CUL5: variants seen among roughly 807,000 people sequenced by gnomAD.
CUL5 encodes cullin-5.
A neutral mutation model predicts 108.8 loss-of-function variants in CUL5; 26 were observed. That is an observed-to-expected ratio of 0.24 (90% CI 0.18 to 0.33). The LOEUF (loss-of-function observed/expected upper bound fraction) is 0.33, where lower values mean the gene tolerates loss of function less well. Among genes scored for constraint, CUL5 ranks in the 10% least tolerant of loss-of-function variants. The pLI is 1.00. For missense variants in CUL5, 524 were observed against 909.2 expected (o/e 0.58, Z 5.45); for synonymous variants, 334 against 298.0 (o/e 1.12, Z -1.25).
At chr11:108,041,243 TTA>T (rs1862900152) in intron 2 of CUL5, among the ~76,000 whole-genome samples, 2 of 152,042 alleles carry the variant, frequency 1.3e-5, no homozygotes, top group African/African-American at 4.8e-5. Context: ...AGTAAATCTC[TTA>T]TATTAATAAT....
At chr11:108,084,175 G>T (rs1483986652) in intron 11 of CUL5, among the ~76,000 whole-genome samples, 1 of 152,200 alleles carries the variant, frequency 6.6e-6, no homozygotes, top group African/African-American at 2.4e-5. Flanking sequence ...GGAGTAGTTT[G>T]TGGTAGACCA....
chr11:108,021,604 C>T (rs886699883), intron 1 of CUL5, among the ~76,000 whole-genome samples: 3 of 152,148 alleles, frequency 2.0e-5, no homozygotes, highest in Admixed American at 6.5e-5. Context: ...CTTGCCTCAA[C>T]CTCTGGAGTA....
intron 7 of CUL5, among the ~76,000 whole-genome samples, chr11:108,056,663 A>G (rs921577266): frequency 6.6e-6 from 1 of 152,134 alleles, no homozygotes; most frequent in African/African-American, 2.4e-5. Flanking sequence ...GTTGTCCCTT[A>G]GGAAGATTAA....
At chr11:108,087,179 GACAT>G (rs2135220792) in intron 11 of CUL5, among the ~76,000 whole-genome samples, 1 of 152,192 alleles carries the variant, frequency 6.6e-6, no homozygotes, top group African/African-American at 2.4e-5. Context: ...TCAGGGCAAA[GACAT>G]ACATTTATAC....
Position 108,009,265 on chromosome 11 carries a change from G to C in CUL5, c.-84G>C. On this transcript the variant is annotated 5_prime_UTR_variant, in exon 1 of 19. Coordinates refer to ENST00000393094, the MANE Select transcript of CUL5 (RefSeq NM_003478.6). ...GCGGGCCGACGGGCCCTGGGCCCTG[G>C]TGGGAGCTCCGGCCTCCGGTCAAGG... The C allele has an allele frequency of 4.0e-6, 6 of 1,514,566 alleles. No individual in the cohort carries two copies. Among genetic ancestry groups the C allele is most frequent in the African/African-American group, 1.4e-5 (1 of 73,172 alleles). 93.8% of individuals were successfully genotyped at this position (1,514,566 alleles called of 1,614,324 possible). A position where few individuals can be genotyped will look rare whatever the true frequency, so the allele number is the denominator to read the frequency against.
chr11:108,106,195 T>A lies in CUL5; in HGVS notation c.*1811T>A, dbSNP rs1864796563. ...ATAATTTTGTAGTAATTGTGGCCCT[T>A]ATGTTTAACAGATAATTCAGCATTG... On this transcript the variant is annotated 3_prime_UTR_variant, in exon 19 of 19. Transcript: ENST00000393094. 1 of 152,718 alleles carries A rather than the reference T, an allele frequency of 6.5e-6. No homozygotes were observed. Among genetic ancestry groups the A allele is most frequent in the South Asian group, 2.1e-4 (1 of 4,834 alleles). 9.5% of individuals were successfully genotyped at this position (152,718 alleles called of 1,614,324 possible).
intron 3 of CUL5, among the ~76,000 whole-genome samples, chr11:108,047,686 ATC>A (rs1863100832): frequency 6.6e-6 from 1 of 152,234 alleles, no homozygotes; most frequent in Non-Finnish European, 1.5e-5. Flanking sequence ...TTTAATGAAA[ATC>A]TGTTTTCAAG....
At chr11:108,017,578 G>A (rs1244926521) in intron 1 of CUL5, among the ~76,000 whole-genome samples, 1 of 152,082 alleles carries the variant, frequency 6.6e-6, no homozygotes, top group Non-Finnish European at 1.5e-5. Flanking sequence ...GGCCGGATGC[G>A]GAGGCTCACG....
At chr11:108,093,482 A>G (rs1329284331) in intron 13 of CUL5, among the ~76,000 whole-genome samples, 1 of 151,824 alleles carries the variant, frequency 6.6e-6, no homozygotes. Flanking sequence ...TTCTTCTATA[A>G]CTCCATTTAT....
intron 1 of CUL5, among the ~76,000 whole-genome samples, chr11:108,013,000 C>G (rs1006628330): frequency 6.6e-6 from 1 of 152,116 alleles, no homozygotes; most frequent in South Asian, 2.1e-4. Flanking sequence ...AATTCTTTGC[C>G]CTTTAACTTA....
At chr11:108,014,910 T>G (rs1380568065) in intron 1 of CUL5, among the ~76,000 whole-genome samples, 5 of 152,170 alleles carry the variant, frequency 3.3e-5, no homozygotes, top group Non-Finnish European at 5.9e-5. Flanking sequence ...TTTTTATTTT[T>G]ATTTTTGAGA....
chr11:108,011,226 A>G (rs1170909711), intron 1 of CUL5, among the ~76,000 whole-genome samples: 1 of 152,210 alleles, frequency 6.6e-6, no homozygotes, highest in African/African-American at 2.4e-5. Context: ...ACAAAACCTC[A>G]CAAAGGATTG....
chr11:108,089,280 A>G lies in CUL5; in HGVS notation c.1312-212A>G, dbSNP rs145022963. Among the ~76,000 whole-genome samples, 35 of 152,300 alleles carry G rather than the reference A, an allele frequency of 2.3e-4. 1 individual carries two copies. The highest frequency in any genetic ancestry group is 1.4e-3 in the East Asian group (7 of 5,180). ...ATCTAAAAAACTGATATTTAGACCG[A>G]CTAACAATTTGGTTATAGTCTCAGT... On this transcript the variant is annotated intron_variant, in intron 12 of 18. Coordinates refer to ENST00000393094, the MANE Select transcript of CUL5 (RefSeq NM_003478.6).
At chr11:108,093,579 CT>C (rs370300296) in intron 13 of CUL5, among the ~76,000 whole-genome samples, 66 of 152,086 alleles carry the variant, frequency 4.3e-4, no homozygotes, top group African/African-American at 1.6e-3. Flanking sequence ...TTTGATTATT[CT>C]TTTTTGTAAG....
chr11:108,055,540 G>A (rs1054776733), intron 7 of CUL5, among the ~76,000 whole-genome samples: 14 of 151,684 alleles, frequency 9.2e-5, no homozygotes, highest in Non-Finnish European at 1.8e-4. Context: ...TAACTCCTGG[G>A]CATAAGGGCC....
chr11:108,073,809 A>G (rs1483103284), intron 10 of CUL5: 1 of 163,964 alleles, frequency 6.1e-6, no homozygotes, highest in East Asian at 1.7e-4. Flanking sequence ...GACCCAGCTC[A>G]AAGAATACTT....
chr11:108,011,227 C>G (rs1479853033), intron 1 of CUL5, among the ~76,000 whole-genome samples: 1 of 152,158 alleles, frequency 6.6e-6, no homozygotes, highest in East Asian at 1.9e-4. Flanking sequence ...CAAAACCTCA[C>G]AAAGGATTGT....
intron 9 of CUL5, 45 bp from the exon 10 acceptor site, chr11:108,073,342 GTTA>G (rs778509395): frequency 1.7e-5 from 14 of 808,712 alleles, no homozygotes; most frequent in Non-Finnish European, 2.8e-5. Context: ...ATTTTTTTGT[GTTA>G]TTCTTTTTCT....
intron 1 of CUL5, among the ~76,000 whole-genome samples, chr11:108,022,533 A>G (rs552353223): frequency 6.6e-6 from 1 of 152,248 alleles, no homozygotes; most frequent in African/African-American, 2.4e-5. Flanking sequence ...TTAAGCAGTG[A>G]TATGTTCTAG....
Sources: gnomAD v4.1 joint callset for allele counts (sites outside exome capture counted in the v4.1 genomes callset) on GRCh38, gnomAD v4.1.1 for gene constraint, MANE v1.5 for transcripts, NCBI Gene and HGNC (gene_info 2026-07-23, HGNC 2026-07-21) for gene names.